Variants in NR3C1 observed in about 807,000 individuals in gnomAD.
NR3C1 encodes glucocorticoid receptor.
NR3C1 carries 14 observed loss-of-function variants against 74.0 expected under a neutral mutation model. That is an observed-to-expected ratio of 0.19 (90% CI 0.12 to 0.30). The LOEUF is 0.30. Among genes scored for constraint, NR3C1 ranks in the 10% least tolerant of loss-of-function variants. The probability of loss-of-function intolerance (pLI) is 1.00; values close to 1 mark genes in which losing one functional copy is unlikely to be tolerated. For synonymous variants in NR3C1, 308 were observed against 332.5 expected, an observed-to-expected ratio of 0.93 and a Z score of 0.80; for missense variants, 695 against 909.8, an observed-to-expected ratio of 0.76 and a Z score of 3.04.
At chr5:143,309,762 C>T (rs1405214992) in intron 4 of NR3C1, among the ~76,000 whole-genome samples, 1 of 152,056 alleles carries the variant, frequency 6.6e-6, no homozygotes, top group Non-Finnish European at 1.5e-5. Flanking sequence ...ATTTCCAACC[C>T]TAGGGAATAG....
intron 2 of NR3C1, among the ~76,000 whole-genome samples, chr5:143,341,817 T>C (rs1600119617): frequency 1.3e-5 from 2 of 152,364 alleles, no homozygotes; most frequent in East Asian, 1.9e-4. Context: ...ACAGATAATA[T>C]ATTCAAATGC....
At chr5:143,351,432 G>A (rs1035744417) in intron 2 of NR3C1, among the ~76,000 whole-genome samples, 2 of 152,042 alleles carry the variant, frequency 1.3e-5, no homozygotes, top group African/African-American at 4.8e-5. Flanking sequence ...GCCATTCAAA[G>A]AGTCAGGATT....
intron 1 of NR3C1, 94 bp downstream of exon 1, chr5:143,403,117 G>A: frequency 2.3e-6 from 1 of 439,574 alleles, no homozygotes; most frequent in East Asian, 1.7e-4. Context: ...ATAAAAGTTT[G>A]TAGGCTCCCG....
At chr5:143,421,700 G>A (rs776386642) in intron 1 of NR3C1, among the ~76,000 whole-genome samples, 3 of 151,998 alleles carry the variant, frequency 2.0e-5, no homozygotes, top group Non-Finnish European at 2.9e-5. Context: ...GCTGAGGCAG[G>A]AGAATCACTT....
At chr5:143,374,981 T>A (rs1384441601) in intron 2 of NR3C1, among the ~76,000 whole-genome samples, 1 of 152,016 alleles carries the variant, frequency 6.6e-6, no homozygotes, top group Admixed American at 6.6e-5. Context: ...ATCTCATCAG[T>A]AAAGGGATGC....
intron 1 of NR3C1, chr5:143,402,605 T>A (rs906670022): frequency 1.0e-6 from 1 of 985,440 alleles, no homozygotes; most frequent in Non-Finnish European, 1.2e-6. Flanking sequence ...TCCAGACCTG[T>A]TGAGTTCTCT....
intron 8 of NR3C1, 88 bp downstream of exon 8, chr5:143,282,480 G>A (rs948422515): frequency 2.7e-6 from 4 of 1,457,442 alleles, no homozygotes; most frequent in Admixed American, 1.8e-5. Flanking sequence ...CGGGGGTGGG[G>A]GCGCTGCTGG....
chr5:143,390,006 T>C, intron 2 of NR3C1: 1 of 773,500 alleles, frequency 1.3e-6, no homozygotes. Flanking sequence ...AAATCTAAAG[T>C]TCTTAAGCAG....
chr5:143,355,494 T>TAAATAAATAAAG (rs1554088687), intron 2 of NR3C1, among the ~76,000 whole-genome samples: 9 of 151,820 alleles, frequency 5.9e-5, no homozygotes, highest in African/African-American at 1.7e-4. Context: ...AATAAATAAA[T>TAAATAAATAAAG]AAATAAATAC....
At chr5:143,423,105 A>G (rs1184265651) in intron 1 of NR3C1, among the ~76,000 whole-genome samples, 2 of 152,212 alleles carry the variant, frequency 1.3e-5, no homozygotes. Flanking sequence ...TCAAAAGCAC[A>G]GTCAACCAGT....
chr5:143,340,346 A>T (rs1827945168), intron 2 of NR3C1, among the ~76,000 whole-genome samples: 1 of 147,356 alleles, frequency 6.8e-6, no homozygotes, highest in Non-Finnish European at 1.5e-5. Context: ...TAATCCCAGC[A>T]GGCTTTTTTT....
At chr5:143,365,081 T>C (rs950510416) in intron 2 of NR3C1, among the ~76,000 whole-genome samples, 20 of 149,922 alleles carry the variant, frequency 1.3e-4, no homozygotes, top group Non-Finnish European at 3.0e-5. Context: ...ACAAAAGAAA[T>C]GACAAAGAAA....
intron 2 of NR3C1, among the ~76,000 whole-genome samples, chr5:143,377,087 T>A (rs1835345141): frequency 6.6e-6 from 1 of 152,166 alleles, no homozygotes. Context: ...TCCTTATGAT[T>A]TCATTCCTTC....
rs1301321256 is a variant in NR3C1, at chr5:143,434,409, C to T, written c.-14+123G>A. On this transcript the variant is annotated intron_variant, in intron 1 of 8. Transcript: ENST00000343796. ...CCTGTTCAGTTTAAACTATCCAGCACACAACATCAGCCTTGTGATTGTCTT... is the reference window on the plus strand; with the variant it reads ...CCTGTTCAGTTTAAACTATCCAGCATACAACATCAGCCTTGTGATTGTCTT... The T allele has an allele frequency of 8.2e-6, 3 of 364,134 alleles. No homozygotes were observed. In the East Asian group the frequency reaches 4.9e-4, roughly 60 times the overall value. The allele number at this position is 364,134 out of a possible 1,614,324, so 22.6% of individuals were successfully genotyped here. A position where few individuals can be genotyped will look rare whatever the true frequency, so the allele number is the denominator to read the frequency against.
At chr5:143,342,346 C>T (rs927375715) in intron 2 of NR3C1, among the ~76,000 whole-genome samples, 6 of 152,128 alleles carry the variant, frequency 3.9e-5, no homozygotes, top group Non-Finnish European at 8.8e-5. Flanking sequence ...TTAATATCCC[C>T]ACTTAAGGGA....
At chr5:143,333,000 A>T in intron 2 of NR3C1, 1 of 1,586,266 alleles carries the variant, frequency 6.3e-7, no homozygotes, top group Non-Finnish European at 8.5e-7. Flanking sequence ...CATCCCTCTG[A>T]CAGACAACAC....
intron 5 of NR3C1, 45 bp from the exon 6 acceptor site, chr5:143,298,857 A>T (rs371399746): frequency 1.4e-5 from 22 of 1,599,642 alleles, no homozygotes; most frequent in Non-Finnish European, 1.9e-5. Context: ...TCTTCAGAAG[A>T]TCATCTCTGT....
intron 1 of NR3C1, among the ~76,000 whole-genome samples, chr5:143,410,841 A>C (rs1841266692): frequency 6.6e-6 from 1 of 152,224 alleles, no homozygotes; most frequent in African/African-American, 2.4e-5. Flanking sequence ...TGCAATGGGC[A>C]GTCTGGAATT....
chr5:143,403,565 TCA>T lies in NR3C1; in HGVS notation c.-370_-369del. The T allele has an allele frequency of 4.1e-6, 4 of 985,782 alleles. No individual in the cohort carries two copies. The highest frequency in any genetic ancestry group is 4.8e-6 in the Non-Finnish European group (4 of 830,422). 61.1% of individuals were successfully genotyped at this position (985,782 alleles called of 1,614,324 possible). On this transcript the variant is annotated 5_prime_UTR_variant, in exon 1 of 9. Coordinates refer to ENST00000394464, the MANE Select transcript of NR3C1 (RefSeq NM_000176.3). ...GGGCAGGCGGTGACTCGGGCTCCCG[TCA>T]CAGACACGAGCTCGCAAAATGGAGG...
Sources: gnomAD v4.1 joint callset for allele counts (sites outside exome capture counted in the v4.1 genomes callset) on GRCh38, gnomAD v4.1.1 for gene constraint, MANE v1.5 for transcripts, NCBI Gene and HGNC (gene_info 2026-07-23, HGNC 2026-07-21) for gene names.